Variants in BFAR observed in about 807,000 individuals in gnomAD.
BFAR encodes RING finger protein 47.
In BFAR, 52 loss-of-function variants were observed where a neutral mutation model predicts 54.4. The observed-to-expected ratio is 0.96, with a 90% CI of 0.77 to 1.21. The LOEUF is 1.21. Ranked by LOEUF, BFAR falls within the 50% of genes most tolerant of loss-of-function variation. The pLI is 0.00. For synonymous variants in BFAR, 215 were observed against 204.3 expected (o/e 1.05, Z -0.45); for missense variants, 571 against 534.0 (o/e 1.07, Z -0.68).
chr16:14,638,958 A>G (rs1959538522), intron 1 of BFAR, among the ~76,000 whole-genome samples: 1 of 152,172 alleles, frequency 6.6e-6, no homozygotes, highest in African/African-American at 2.4e-5. Flanking sequence ...AGAAAAAAAA[A>G]AAAAGAAAAA....
At chr16:14,663,563 C>T (rs1960353329) in intron 6 of BFAR, among the ~76,000 whole-genome samples, 2 of 150,662 alleles carry the variant, frequency 1.3e-5, no homozygotes, top group African/African-American at 2.4e-5. Flanking sequence ...GATCTCCTGA[C>T]CTCGTAATCC....
chr16:14,642,711 G>A (rs1959665806), intron 1 of BFAR, among the ~76,000 whole-genome samples: 1 of 152,144 alleles, frequency 6.6e-6, no homozygotes, highest in African/African-American at 2.4e-5. Flanking sequence ...GCTCGCATTA[G>A]AGCCTCTGAA....
At chr16:14,635,679 G>T (rs761237170) in intron 1 of BFAR, among the ~76,000 whole-genome samples, 7 of 151,814 alleles carry the variant, frequency 4.6e-5, no homozygotes, top group Admixed American at 2.0e-4. Context: ...ACTGGTTTCT[G>T]ACCCTGTCCA....
chr16:14,634,671 T>A (rs928875713), intron 1 of BFAR, among the ~76,000 whole-genome samples: 27 of 152,246 alleles, frequency 1.8e-4, no homozygotes, highest in South Asian at 4.2e-4. Flanking sequence ...CTTAAAAAAA[T>A]TTTTTTAAAG....
At chr16:14,663,552 T>C (rs376324698) in intron 6 of BFAR, among the ~76,000 whole-genome samples, 10 of 150,892 alleles carry the variant, frequency 6.6e-5, no homozygotes, top group South Asian at 2.1e-4. Context: ...AGGATGGTCT[T>C]GATCTCCTGA....
At chr16:14,661,145 T>G (rs1596991691) in intron 5 of BFAR, among the ~76,000 whole-genome samples, 2 of 152,316 alleles carry the variant, frequency 1.3e-5, no homozygotes, top group South Asian at 4.1e-4. Context: ...GTTAAGTATC[T>G]GCTGTAACTG....
intron 5 of BFAR, among the ~76,000 whole-genome samples, chr16:14,657,583 C>G (rs1259078634): frequency 6.6e-6 from 1 of 151,564 alleles, no homozygotes; most frequent in Non-Finnish European, 1.5e-5. Flanking sequence ...CTCACTGTTT[C>G]CCAGACTGGA....
intron 7 of BFAR, chr16:14,667,359 T>C (rs1960470158): frequency 6.9e-6 from 3 of 436,094 alleles, no homozygotes; most frequent in East Asian, 3.4e-5. Context: ...AAAAAAAATA[T>C]GTAAATGTAA....
intron 5 of BFAR, among the ~76,000 whole-genome samples, chr16:14,660,064 A>G (rs1294712298): frequency 6.6e-6 from 1 of 152,184 alleles, no homozygotes; most frequent in Admixed American, 6.6e-5. Context: ...CACGATGAAG[A>G]TGGGGAACAT....
At position 14,647,701 on chromosome 16, in the gene BFAR, A is replaced by G. The variant is rs1256498286; in HGVS notation, c.264-687A>G. Among the ~76,000 whole-genome samples the G allele has an allele frequency of 3.3e-5, 5 of 151,302 alleles. No individual in the cohort carries two copies. In the South Asian group the frequency reaches 1.0e-3, roughly 32 times the overall value. On this transcript the variant is annotated intron_variant, in intron 2 of 7. Transcript: ENST00000261658. Reference sequence around the variant, plus strand: ...TCAAAAAAAAAAAAAAACAAGTGCCAATAGAAAATGCAAGTATTTTCTCAC... The same window carrying G: ...TCAAAAAAAAAAAAAAACAAGTGCCGATAGAAAATGCAAGTATTTTCTCAC...
At chr16:14,648,060 T>G (rs1396605815) in intron 2 of BFAR, among the ~76,000 whole-genome samples, 2 of 152,024 alleles carry the variant, frequency 1.3e-5, no homozygotes, top group Admixed American at 1.3e-4. Flanking sequence ...GGCAACATAG[T>G]GAAACCCTAT....
chr16:14,663,065 A>C (rs555649871), intron 6 of BFAR, among the ~76,000 whole-genome samples: 1 of 152,338 alleles, frequency 6.6e-6, no homozygotes, highest in Non-Finnish European at 1.5e-5. Flanking sequence ...TATAGATAAC[A>C]TAACTGGTTA....
intron 5 of BFAR, among the ~76,000 whole-genome samples, chr16:14,659,755 T>C (rs1006059747): frequency 6.6e-6 from 1 of 151,610 alleles, no homozygotes; most frequent in African/African-American, 2.4e-5. Flanking sequence ...TTTCACCGTT[T>C]TAGCCAGGCT....
Position 14,668,508 on chromosome 16 carries a change from T to G in BFAR, c.*681T>G, listed in dbSNP as rs755684548. The G allele has an allele frequency of 7.9e-5, 12 of 152,516 alleles. No homozygotes were observed. Among genetic ancestry groups the G allele is most frequent in the Non-Finnish European group, 1.5e-4 (10 of 68,340 alleles). 9.4% of individuals were successfully genotyped at this position (152,516 alleles called of 1,614,324 possible). ...GATCCCTTTCTCTGAATGGAGAGAT[T>G]GAGAGGGATGTCGGGCAGTTCCCAT... On this transcript the variant is annotated 3_prime_UTR_variant, in exon 8 of 8. Coordinates refer to ENST00000261658, the MANE Select transcript of BFAR (RefSeq NM_016561.3).
chr16:14,649,970 G>A lies in BFAR; in HGVS notation c.635G>A (p.Gly212Glu). The change falls in exon 4 of 8, where the codon GGA becomes GAA. Residue 212 changes from glycine (G) to glutamate (E), a missense_variant. Coordinates refer to ENST00000261658, the MANE Select transcript of BFAR (RefSeq NM_016561.3). Reference protein sequence around the residue: ...RERFLSERVNGRLLLTLTEEE... With the variant: ...RERFLSERVNERLLLTLTEEE... ...AGGTTTTTATCTGAACGAGTAAATG[G>A]AAGGTGAGGAGCAAAGTCTTCTGAC... 2 of 1,605,820 alleles carry A rather than the reference G, an allele frequency of 1.2e-6. No individual in the cohort carries two copies. The highest frequency in any genetic ancestry group is 1.1e-5 in the South Asian group (1 of 89,980).
intron 3 of BFAR, among the ~76,000 whole-genome samples, chr16:14,649,139 G>A (rs1397726581): frequency 1.5e-5 from 2 of 137,784 alleles, no homozygotes; most frequent in Non-Finnish European, 3.0e-5. Flanking sequence ...GCGGTGGCAT[G>A]ATCTCGGCTC....
Position 14,667,767 on chromosome 16 carries a change from A to G in BFAR, c.1293A>G (p.Pro431=). ...CLFYWALYFN[P]IINIDLVVKE... ...TTTACTGGGCCCTGTACTTTAACCC[A>G]ATTATTAACATTGATCTTGTGGTCA... Residue 431 remains proline (P), a synonymous_variant, in exon 8 of 8, where the codon CCA becomes CCG. Transcript: ENST00000261658. 2.5e-6 allele frequency: 4 copies of G among 1,614,028 alleles called. No homozygotes were observed. Among genetic ancestry groups the G allele is most frequent in the Non-Finnish European group, 2.5e-6 (3 of 1,180,008 alleles).
At chr16:14,654,464 A>G (rs1454145319) in intron 4 of BFAR, among the ~76,000 whole-genome samples, 1 of 150,954 alleles carries the variant, frequency 6.6e-6, no homozygotes, top group Non-Finnish European at 1.5e-5. Context: ...GCCTTGGGAA[A>G]GTCACCTTAT....
intron 1 of BFAR, among the ~76,000 whole-genome samples, chr16:14,637,354 G>A (rs1487791663): frequency 2.0e-5 from 3 of 150,682 alleles, no homozygotes; most frequent in African/African-American, 7.3e-5. Context: ...CTTTAAGTCA[G>A]ACCATGATTT....
Sources: allele counts gnomAD v4.1 joint callset (sites outside exome capture counted in the v4.1 genomes callset), GRCh38; gene constraint gnomAD v4.1.1; transcripts MANE v1.5; gene names NCBI Gene and HGNC (gene_info 2026-07-23, HGNC 2026-07-21).